GRIN2B: variants seen among roughly 807,000 people sequenced by gnomAD.
The protein encoded by GRIN2B is glutamate ionotropic receptor NMDA type subunit 2B.
A neutral mutation model predicts 114.5 loss-of-function variants in GRIN2B; 5 were observed. That is an observed-to-expected ratio of 0.04 (90% CI 0.02 to 0.09). GRIN2B has a LOEUF of 0.09. GRIN2B is among the 10% of genes least tolerant of loss of function. The pLI, the probability that GRIN2B is intolerant of heterozygous loss-of-function variation, is 1.00. For missense variants in GRIN2B, 1,108 were observed against 1,943.5 expected (o/e 0.57, Z 8.08); for synonymous variants, 787 against 745.1 (o/e 1.06, Z -0.92).
chr12:13,781,390 C>G (rs1213721554), intron 3 of GRIN2B, among the ~76,000 whole-genome samples: 1 of 152,164 alleles, frequency 6.6e-6, no homozygotes, highest in African/African-American at 2.4e-5. Flanking sequence ...GGCTGTCAAA[C>G]AGCTAATATG....
intron 4 of GRIN2B, among the ~76,000 whole-genome samples, chr12:13,741,322 G>A (rs149440364): frequency 0.012 from 1,801 of 152,092 alleles, 17 homozygotes; most frequent in Middle Eastern, 0.024. Context: ...GAGCCACCGC[G>A]CCCAGACAGG....
intron 4 of GRIN2B, among the ~76,000 whole-genome samples, chr12:13,689,456 C>T (rs1950197271): frequency 6.6e-6 from 1 of 152,108 alleles, no homozygotes; most frequent in Admixed American, 6.6e-5. Context: ...CCCAATCCAT[C>T]CTCCAAAACT....
At chr12:13,654,959 C>A (rs1949848178) in intron 5 of GRIN2B, among the ~76,000 whole-genome samples, 1 of 152,030 alleles carries the variant, frequency 6.6e-6, no homozygotes, top group African/African-American at 2.4e-5. Flanking sequence ...TTAGAAAGGA[C>A]AGGAACCCAG....
In GRIN2B at chr12:13,567,046, G is replaced by A. The variant is rs753198544; in HGVS notation, c.2577C>T (p.Gly859=). Residue 859 remains glycine, a synonymous_variant, in exon 13 of 14, where the codon GGC becomes GGT. Transcript: ENST00000609686. The part of the protein sequence containing the change: ...CFMGVCSGKP[G]MVFSISRGIY... The stretch of plus-strand genomic sequence containing the variant: ...TTACTCTGCTGATGGAGAAGACCAT[G>A]CCAGGCTTGCCAGAACAGACACCCA... 1.9e-6 allele frequency: 3 copies of A among 1,612,884 alleles called. No homozygotes were observed. The highest frequency in any genetic ancestry group is 2.5e-6 in the Non-Finnish European group (3 of 1,178,822).
intron 3 of GRIN2B, among the ~76,000 whole-genome samples, chr12:13,812,930 A>ATTTTTTT (rs34773248): frequency 1.7e-5 from 2 of 118,390 alleles, no homozygotes; most frequent in African/African-American, 6.6e-5. Context: ...AGTTTTGGGA[A>ATTTTTTT]TTTTTTTTTT....
chr12:13,809,629 T>G (rs544525479), intron 3 of GRIN2B, among the ~76,000 whole-genome samples: 1 of 152,304 alleles, frequency 6.6e-6, no homozygotes, highest in Non-Finnish European at 1.5e-5. Flanking sequence ...CATGACAATT[T>G]GTCTTAAAAG....
At chr12:13,883,317 T>A (rs567566435) in intron 2 of GRIN2B, among the ~76,000 whole-genome samples, 1 of 152,200 alleles carries the variant, frequency 6.6e-6, no homozygotes, top group East Asian at 1.9e-4. Flanking sequence ...TTAACATTTA[T>A]ATTTAATTGC....
intron 3 of GRIN2B, among the ~76,000 whole-genome samples, chr12:13,800,114 A>G (rs1864481790): frequency 6.6e-6 from 1 of 152,138 alleles, no homozygotes; most frequent in Non-Finnish European, 1.5e-5. Context: ...AATCACTGAT[A>G]ATTCACCCCA....
intron 4 of GRIN2B, among the ~76,000 whole-genome samples, chr12:13,707,200 T>A (rs905753690): frequency 2.0e-5 from 3 of 152,086 alleles, no homozygotes; most frequent in African/African-American, 7.2e-5. Flanking sequence ...GAAGGCCTTG[T>A]AGTCTCTCTT....
rs1948320486 is a variant in GRIN2B, at chr12:13,544,510, C to T, written c.*18273G>A. The T allele has an allele frequency of 6.6e-6, 1 of 152,110 alleles. No homozygotes were observed. Among genetic ancestry groups the T allele is most frequent in the Non-Finnish European group, 1.5e-5 (1 of 68,030 alleles). The allele number at this position is 152,110 out of a possible 1,614,324, so 9.4% of individuals were successfully genotyped here. A position where few individuals can be genotyped will look rare whatever the true frequency, so the allele number is the denominator to read the frequency against. ...TCAGGCTATACATTTTCCCTGAACT[C>T]CAGGTCCATATATCTAATTGCCTAA... On this transcript the variant is annotated 3_prime_UTR_variant, in exon 14 of 14. Coordinates refer to ENST00000609686, the MANE Select transcript of GRIN2B (RefSeq NM_000834.5).
chr12:13,847,211 A>T (rs191601460), intron 3 of GRIN2B, among the ~76,000 whole-genome samples: 8 of 152,282 alleles, frequency 5.3e-5, no homozygotes, highest in African/African-American at 1.9e-4. Context: ...TAATCTAAAA[A>T]ATTTATATTA....
At chr12:13,672,938 T>C (rs920714477) in intron 5 of GRIN2B, among the ~76,000 whole-genome samples, 17 of 152,194 alleles carry the variant, frequency 1.1e-4, no homozygotes, top group Non-Finnish European at 2.2e-4. Flanking sequence ...ATTCTTTTAT[T>C]ATGTAATGAT....
intron 4 of GRIN2B, among the ~76,000 whole-genome samples, chr12:13,738,606 ACCAGTGGAAATCACAATT>A (rs1330622729): frequency 3.3e-5 from 5 of 152,216 alleles, no homozygotes; most frequent in African/African-American, 1.2e-4. Context: ...AGTTCATAGC[ACCAGTGGAAATCACAATT>A]TTCAGACTAG....
chr12:13,599,129 C>G (rs553553918), intron 10 of GRIN2B, among the ~76,000 whole-genome samples: 3 of 152,264 alleles, frequency 2.0e-5, no homozygotes, highest in African/African-American at 7.2e-5. Context: ...GAGGAAACAT[C>G]CGAGACTATA....
chr12:13,882,892 A>G lies in GRIN2B; in HGVS notation c.-18-16666T>C, dbSNP rs564409953. 7.2e-5 allele frequency among the ~76,000 whole-genome samples: 11 copies of G among 152,242 alleles called. No homozygotes were observed. The East Asian group carries it at 1.9e-3, about 27-fold the overall frequency. On this transcript the variant is annotated intron_variant, in intron 2 of 13. Transcript: ENST00000609686. ...GATATAAAATATTTCCATCACCCCA[A>G]ATATTTCCGTGTTCCTTTATAATCA...
At chr12:13,616,137 C>T (rs1451703211) in intron 6 of GRIN2B, among the ~76,000 whole-genome samples, 9 of 152,170 alleles carry the variant, frequency 5.9e-5, no homozygotes, top group South Asian at 2.1e-4. Flanking sequence ...GATTCTGGGA[C>T]ATGCTGGCCC....
chr12:13,957,355 A>C (rs1376093930), intron 2 of GRIN2B, among the ~76,000 whole-genome samples: 2 of 152,274 alleles, frequency 1.3e-5, no homozygotes, highest in South Asian at 2.1e-4. Flanking sequence ...GTACACACAC[A>C]AGCTTGAGAC....
At chr12:13,758,380 T>G (rs887013417) in intron 3 of GRIN2B, among the ~76,000 whole-genome samples, 2 of 152,078 alleles carry the variant, frequency 1.3e-5, no homozygotes, top group Admixed American at 1.3e-4. Context: ...CAAAAAGAAA[T>G]TGCTTCAAAG....
At chr12:13,568,673 A>G (rs1213410667) in intron 12 of GRIN2B, among the ~76,000 whole-genome samples, 2 of 152,210 alleles carry the variant, frequency 1.3e-5, no homozygotes, top group East Asian at 3.8e-4. Flanking sequence ...AGCTGCAGAC[A>G]TAATTGAGAT....
Sources: allele counts gnomAD v4.1 joint callset (sites outside exome capture counted in the v4.1 genomes callset), GRCh38; gene constraint gnomAD v4.1.1; transcripts MANE v1.5; gene names NCBI Gene and HGNC (gene_info 2026-07-23, HGNC 2026-07-21).